POU6F2: variants seen among roughly 807,000 people sequenced by gnomAD.
POU6F2 encodes the protein POU domain, class 6, transcription factor 2.
A neutral mutation model predicts 71.3 loss-of-function variants in POU6F2; 31 were observed. The ratio of observed to expected loss-of-function variants is 0.43; its 90% CI spans 0.33 to 0.59. The LOEUF is 0.59. Among genes scored for constraint, POU6F2 ranks in the 20% least tolerant of loss-of-function variants. The pLI is 0.04. For synonymous variants in POU6F2, 347 were observed against 355.7 expected (o/e 0.98, Z 0.27); for missense variants, 783 against 856.8 (o/e 0.91, Z 1.07).
chr7:39,006,962 G>T, intron 1 of POU6F2: 2 of 1,299,374 alleles, frequency 1.5e-6, no homozygotes, highest in Non-Finnish European at 2.2e-6. Context: ...GGAAATAATT[G>T]TCATGTTTCC....
In POU6F2 at chr7:39,223,663, C is replaced by T. The variant is rs185631703; in HGVS notation, c.598+16043C>T. On this transcript the variant is annotated intron_variant, in intron 4 of 9. Coordinates refer to ENST00000518318, the MANE Select transcript of POU6F2 (RefSeq NM_001370959.1). ...AATCTTCCCTACCTTTGAGAGCTAT[C>T]TAAATCCCTTCCTGAATCACAAGAA... is the stretch of plus-strand genomic sequence containing the variant. 2.0e-4 allele frequency among the ~76,000 whole-genome samples: 31 copies of T among 152,318 alleles called. No individual in the cohort carries two copies. The East Asian group carries it at 4.1e-3, about 20-fold the overall frequency.
intron 5 of POU6F2, among the ~76,000 whole-genome samples, chr7:39,351,397 T>G (rs1786136960): frequency 6.6e-6 from 1 of 152,230 alleles, no homozygotes; most frequent in Non-Finnish European, 1.5e-5. Flanking sequence ...TCCCAGACTC[T>G]GGAGTTGAAT....
At chr7:39,074,909 A>G (rs1790965997) in intron 1 of POU6F2, among the ~76,000 whole-genome samples, 1 of 152,188 alleles carries the variant, frequency 6.6e-6, no homozygotes, top group South Asian at 2.1e-4. Flanking sequence ...CTGCTAACCC[A>G]TCCATCCCAT....
chr7:39,142,344 G>A (rs1461793427), intron 2 of POU6F2, among the ~76,000 whole-genome samples: 1 of 152,172 alleles, frequency 6.6e-6, no homozygotes, highest in African/African-American at 2.4e-5. Flanking sequence ...GAATGTTCAT[G>A]TGATTTGTTG....
chr7:39,419,972 A>G lies in POU6F2; in HGVS notation c.1114-13105A>G, dbSNP rs146674462. Among the ~76,000 whole-genome samples the G allele has an allele frequency of 2.3e-3, 351 of 152,362 alleles. 2 individuals are homozygous for G. The highest frequency in any genetic ancestry group is 8.0e-3 in the African/African-American group (333 of 41,586). On this transcript the variant is annotated intron_variant, in intron 6 of 9. Coordinates refer to ENST00000518318, the MANE Select transcript of POU6F2 (RefSeq NM_001370959.1). ...ACAAAATGTTGTAATTTATTTAATC[A>G]AAAGGCAGGGCCACAGAGATATTAC... is the stretch of plus-strand genomic sequence containing the variant.
At chr7:39,201,064 T>C (rs982516445) in intron 2 of POU6F2, among the ~76,000 whole-genome samples, 10 of 152,076 alleles carry the variant, frequency 6.6e-5, no homozygotes, top group Non-Finnish European at 1.2e-4. Context: ...TTTCATTAAA[T>C]AATAATAATC....
intron 4 of POU6F2, among the ~76,000 whole-genome samples, chr7:39,215,325 A>G (rs1794218910): frequency 6.6e-6 from 1 of 152,210 alleles, no homozygotes; most frequent in Admixed American, 6.5e-5. Flanking sequence ...AGCCTGGGCA[A>G]CAGAGTGAGA....
intron 8 of POU6F2, among the ~76,000 whole-genome samples, chr7:39,454,688 AT>A (rs1788749369): frequency 6.2e-5 from 2 of 32,386 alleles, no homozygotes; most frequent in Non-Finnish European, 1.1e-4. Context: ...ATATATATAT[AT>A]ATATATATAT....
At chr7:39,115,888 A>G (rs1035011103) in intron 2 of POU6F2, among the ~76,000 whole-genome samples, 2 of 152,150 alleles carry the variant, frequency 1.3e-5, no homozygotes, top group African/African-American at 4.8e-5. Context: ...CCTGGATTAC[A>G]GAAATATTTC....
intron 2 of POU6F2, among the ~76,000 whole-genome samples, chr7:39,187,566 G>A (rs1793568014): frequency 6.6e-6 from 1 of 152,220 alleles, no homozygotes; most frequent in Non-Finnish European, 1.5e-5. Flanking sequence ...GGGGCCGGGG[G>A]ACAGCTACCA....
At chr7:39,212,867 G>A (rs1030848454) in intron 4 of POU6F2, among the ~76,000 whole-genome samples, 1 of 152,206 alleles carries the variant, frequency 6.6e-6, no homozygotes, top group Non-Finnish European at 1.5e-5. Flanking sequence ...CCTTTATGGA[G>A]CTCATGCAAA....
At chr7:39,121,251 T>A (rs1188897294) in intron 2 of POU6F2, among the ~76,000 whole-genome samples, 2 of 152,240 alleles carry the variant, frequency 1.3e-5, no homozygotes, top group African/African-American at 4.8e-5. Flanking sequence ...AATCTCCGTT[T>A]CCTCATCCAT....
intron 2 of POU6F2, among the ~76,000 whole-genome samples, chr7:39,086,375 G>A (rs1562700522): frequency 6.6e-6 from 1 of 152,116 alleles, no homozygotes; most frequent in Non-Finnish European, 1.5e-5. Flanking sequence ...AGTAAATATC[G>A]ACTCGGTTTC....
chr7:39,157,767 G>T (rs897300100), intron 2 of POU6F2, among the ~76,000 whole-genome samples: 1 of 152,184 alleles, frequency 6.6e-6, no homozygotes, highest in African/African-American at 2.4e-5. Flanking sequence ...ATCAAGTCGG[G>T]TTAAACATAC....
intron 9 of POU6F2, among the ~76,000 whole-genome samples, chr7:39,462,970 A>G (rs112853972): frequency 3.9e-5 from 6 of 152,322 alleles, no homozygotes; most frequent in African/African-American, 1.2e-4. Flanking sequence ...TCCTTACAAA[A>G]CATATTCTGA....
intron 6 of POU6F2, among the ~76,000 whole-genome samples, chr7:39,421,147 T>G (rs938969894): frequency 2.2e-4 from 33 of 152,144 alleles, no homozygotes; most frequent in Non-Finnish European, 1.0e-4. Flanking sequence ...GATGCAATTT[T>G]ACGAGAAAAA....
At chr7:39,115,820 T>A (rs1423958382) in intron 2 of POU6F2, among the ~76,000 whole-genome samples, 3 of 152,140 alleles carry the variant, frequency 2.0e-5, no homozygotes, top group African/African-American at 4.8e-5. Flanking sequence ...CTTTTTTTTT[T>A]AAAGACATGC....
At chr7:39,417,915 G>A (rs979629128) in intron 6 of POU6F2, among the ~76,000 whole-genome samples, 3 of 152,176 alleles carry the variant, frequency 2.0e-5, no homozygotes, top group African/African-American at 7.2e-5. Flanking sequence ...AAGTTTGTTA[G>A]GAGGATTAGT....
At chr7:39,176,379 C>A (rs1359430652) in intron 2 of POU6F2, among the ~76,000 whole-genome samples, 1 of 152,186 alleles carries the variant, frequency 6.6e-6, no homozygotes, top group Non-Finnish European at 1.5e-5. Flanking sequence ...ATCTTTAATG[C>A]TACAAATAAT....
Sources: gnomAD v4.1 joint callset for allele counts (sites outside exome capture counted in the v4.1 genomes callset) on GRCh38, gnomAD v4.1.1 for gene constraint, MANE v1.5 for transcripts, NCBI Gene and HGNC (gene_info 2026-07-23, HGNC 2026-07-21) for gene names.